Variants in TAF1 observed in about 807,000 individuals in gnomAD.
TAF1 encodes the protein TATA-box binding protein associated factor 1.
A neutral mutation model predicts 138.5 loss-of-function variants in TAF1; 2 were observed. The ratio of observed to expected loss-of-function variants is 0.01; its 90% CI spans 0.01 to 0.05. TAF1 has a LOEUF of 0.05. TAF1 is among the 10% of genes least tolerant of loss of function. The pLI, the probability that TAF1 is intolerant of heterozygous loss-of-function variation, is 1.00. For synonymous variants in TAF1, 437 were observed against 503.2 expected (o/e 0.87, Z 1.76); for missense variants, 709 against 1,478.0 (o/e 0.48, Z 8.53).
chrX:71,504,204 C>T (rs1336475391), intron 13 of TAF1, among the ~76,000 whole-genome samples: 1 of 110,340 alleles, frequency 9.1e-6, no homozygotes, highest in African/African-American at 3.3e-5. Context: ...ACAGATTTCA[C>T]CCCCTACAAC....
chrX:71,529,660 T>C, intron 14 of TAF1: 1 of 333,440 alleles, frequency 3.0e-6, no homozygotes. Context: ...GAAGTGAAGA[T>C]GCAAGTCTCC....
Position 71,392,733 on chromosome X carries a change from A to G in TAF1, c.2931+15A>G. The G allele has an allele frequency of 8.4e-7, 1 of 1,189,984 alleles. No homozygotes were observed. Among genetic ancestry groups the G allele is most frequent in the East Asian group, 3.0e-5 (1 of 33,698 alleles). On this transcript the variant is annotated intron_variant, in intron 19 of 37. Coordinates refer to ENST00000423759, the MANE Select transcript of TAF1 (RefSeq NM_004606.5). ...CACAGCAGAAGGTGAGATTGTGTTT[A>G]TTTCTAGAATGAAAAAGTCAAGGGA...
rs771066854 is a variant in TAF1 at position 71,456,269 on chromosome X, T to A, written c.4938+1412T>A. Among the ~76,000 whole-genome samples the A allele has an allele frequency of 1.9e-4, 21 of 111,951 alleles. 1 individual carries two copies. In the South Asian group the frequency reaches 7.8e-3, roughly 42 times the overall value. On this transcript the variant is annotated intron_variant, in intron 34 of 37. Coordinates refer to ENST00000423759, the MANE Select transcript of TAF1 (RefSeq NM_004606.5). ...AAGTCACCTTCCTTTCTTCACTACG[T>A]CTCCCAGACTACCTCAAATGGCTAA...
At chrX:71,477,713 G>T (rs2039003041) in intron 13 of TAF1, among the ~76,000 whole-genome samples, 1 of 112,371 alleles carries the variant, frequency 8.9e-6, no homozygotes, top group Non-Finnish European at 1.9e-5. Context: ...AACTTTTGAA[G>T]CCGGGCACGG....
At chrX:71,485,347 G>A (rs1198527996) in intron 13 of TAF1, among the ~76,000 whole-genome samples, 3 of 111,821 alleles carry the variant, frequency 2.7e-5, no homozygotes, top group Non-Finnish European at 5.6e-5. Flanking sequence ...TATATACCTA[G>A]GCGTGGAATT....
chrX:71,482,073 C>T (rs1014960905), intron 13 of TAF1, among the ~76,000 whole-genome samples: 3 of 111,902 alleles, frequency 2.7e-5, no homozygotes, highest in Non-Finnish European at 3.8e-5. Context: ...TTTCGGCCTT[C>T]GTGCTTGTTG....
At position 71,498,070 on chromosome X, in the gene TAF1, T is replaced by A. The variant is rs781627424; in HGVS notation, c.1367-30472T>A. ...TAGAGTAGCCTGCTGGCATGACGCT[T>A]CCGAACTGGTAGCCAAAAGTAAATC... is the stretch of plus-strand genomic sequence containing the variant. On this transcript the variant is annotated intron_variant and NMD_transcript_variant, in intron 13 of 14. Coordinates refer to the TAF1 transcript ENST00000373775. 4.5e-5 allele frequency among the ~76,000 whole-genome samples: 5 copies of A among 111,704 alleles called. No homozygotes were observed. The South Asian group carries it at 1.9e-3, about 42-fold the overall frequency.
chrX:71,380,825 G>C (rs1357404205), intron 8 of TAF1, among the ~76,000 whole-genome samples: 1 of 111,483 alleles, frequency 9.0e-6, no homozygotes, highest in Non-Finnish European at 1.9e-5. Context: ...CGAGTAGCTG[G>C]GATTATAGGC....
chrX:71,508,173 C>T (rs1435322747), intron 13 of TAF1, among the ~76,000 whole-genome samples: 1 of 105,634 alleles, frequency 9.5e-6, no homozygotes, highest in African/African-American at 3.5e-5. Flanking sequence ...GAGACAAACA[C>T]ATAAATAGGC....
At chrX:71,452,834 G>A (rs1035374515) in intron 32 of TAF1, among the ~76,000 whole-genome samples, 5 of 112,356 alleles carry the variant, frequency 4.5e-5, no homozygotes, top group Non-Finnish European at 9.4e-5. Flanking sequence ...CGAGGCTGGC[G>A]GATCACTCGC....
At chrX:71,473,943 G>A (rs950990584) in intron 13 of TAF1, among the ~76,000 whole-genome samples, 1 of 110,795 alleles carries the variant, frequency 9.0e-6, no homozygotes, top group African/African-American at 3.3e-5. Flanking sequence ...TCAAGAGTTC[G>A]AGACCAGTGT....
rs966737490 is a variant in TAF1, at chrX:71,416,600, G to A, written c.4385-4709G>A. ...CCAGGGTATTCACTGACCATCAGCCGGTTCTTTTTCCATCTAGGAATAGGC... is the reference window on the plus strand; with the variant it reads ...CCAGGGTATTCACTGACCATCAGCCAGTTCTTTTTCCATCTAGGAATAGGC... On this transcript the variant is annotated intron_variant, in intron 28 of 37. Transcript: ENST00000423759. 2.3e-5 allele frequency: 7 copies of A among 306,457 alleles called. 1 individual carries two copies. The highest frequency in any genetic ancestry group is 1.6e-4 in the South Asian group (5 of 30,839). 25.3% of individuals were successfully genotyped at this position (306,457 alleles called of 1,213,427 possible). A position where few individuals can be genotyped will look rare whatever the true frequency, so the allele number is the denominator to read the frequency against.
At chrX:71,382,897 G>A (rs1206030874) in intron 11 of TAF1, 29 bp downstream of exon 11, 1 of 1,196,137 alleles carries the variant, frequency 8.4e-7, no homozygotes, top group East Asian at 3.0e-5. Context: ...CTGTGATAGA[G>A]GAGAACCCCA....
intron 32 of TAF1, among the ~76,000 whole-genome samples, chrX:71,449,297 G>T (rs762482977): frequency 4.5e-5 from 5 of 111,415 alleles, no homozygotes; most frequent in African/African-American, 1.6e-4. Context: ...GCCTAATTTT[G>T]TATTTTTAGT....
At chrX:71,421,726 A>AT (rs1356823210) in intron 29 of TAF1, among the ~76,000 whole-genome samples, 1 of 112,148 alleles carries the variant, frequency 8.9e-6, no homozygotes, top group Non-Finnish European at 1.9e-5. Context: ...AAGAATTTTC[A>AT]TTTTTTCTTC....
intron 32 of TAF1, among the ~76,000 whole-genome samples, chrX:71,446,015 A>G (rs1199677764): frequency 9.2e-6 from 1 of 108,716 alleles, no homozygotes; most frequent in East Asian, 2.9e-4. Flanking sequence ...GATTGAAGCA[A>G]TTCTTGTGCC....
Position 71,388,391 on chromosome X carries a change from G to A in TAF1, c.2569+13G>A. On this transcript the variant is annotated intron_variant, in intron 16 of 37. Transcript: ENST00000423759. ...TTCAAACGCACAGGTCGTCTGTTGT[G>A]ACTAGTTATTTGTCTGCCTTTTTCC... The A allele has an allele frequency of 8.4e-7, 1 of 1,195,937 alleles. No individual in the cohort carries two copies. The highest frequency in any genetic ancestry group is 1.1e-6 in the Non-Finnish European group (1 of 890,015).
chrX:71,524,224 G>T (rs2039956082), intron 13 of TAF1, among the ~76,000 whole-genome samples: 1 of 108,564 alleles, frequency 9.2e-6, no homozygotes, highest in Non-Finnish European at 1.9e-5. Flanking sequence ...TAGAGACAGG[G>T]TTTTGCCATG....
At chrX:71,394,732 A>G (rs1312672220) in intron 22 of TAF1, among the ~76,000 whole-genome samples, 1 of 111,675 alleles carries the variant, frequency 9.0e-6, no homozygotes, top group Admixed American at 9.5e-5. Context: ...CCCAGGCTCA[A>G]ACGATCCTCC....
Sources: gnomAD v4.1 joint callset for allele counts (sites outside exome capture counted in the v4.1 genomes callset) on GRCh38, gnomAD v4.1.1 for gene constraint, MANE v1.5 for transcripts, NCBI Gene and HGNC (gene_info 2026-07-23, HGNC 2026-07-21) for gene names.